ZNF713: variants seen among roughly 807,000 people sequenced by gnomAD.
The protein encoded by ZNF713 is zinc finger protein 713.
A neutral mutation model predicts 28.7 loss-of-function variants in ZNF713; 21 were observed. That is an observed-to-expected ratio of 0.73 (90% confidence interval 0.52 to 1.05). The LOEUF is 1.05. ZNF713 is among the 50% of genes least tolerant of loss of function. The probability of loss-of-function intolerance (pLI) is 0.00; values close to 1 mark genes in which losing one functional copy is unlikely to be tolerated. For missense variants in ZNF713, 458 were observed against 532.4 expected, an observed-to-expected ratio of 0.86 and a Z score of 1.37; for synonymous variants, 167 against 178.0, an observed-to-expected ratio of 0.94 and a Z score of 0.49.
intron 6 of ZNF713, among the ~76,000 whole-genome samples, chr7:55,934,639 G>A (rs1208017092): frequency 6.6e-6 from 1 of 152,032 alleles, no homozygotes; most frequent in African/African-American, 2.4e-5. Flanking sequence ...CTAATAGCTA[G>A]GATGGCAAGC....
At position 55,913,916 on chromosome 7, in the gene ZNF713, GC is replaced by G. The variant is rs1041956242; in HGVS notation, c.87+1194del. Among the ~76,000 whole-genome samples, 3 of 152,070 alleles carry G rather than the reference GC, an allele frequency of 2.0e-5. No individual in the cohort carries two copies. In the East Asian group the frequency reaches 5.8e-4, roughly 29 times the overall value. On this transcript the variant is annotated intron_variant, in intron 4 of 6. Coordinates refer to ENST00000429591, the MANE Select transcript of ZNF713 (RefSeq NM_182633.3). ...CACAAGGTCAGGAGTTCCAAGACCA[GC>G]TTGACTAATATGGTGAAACCCTGTC...
chr7:55,926,341 A>G (rs1246553719), intron 6 of ZNF713, among the ~76,000 whole-genome samples: 1 of 152,216 alleles, frequency 6.6e-6, no homozygotes, highest in African/African-American at 2.4e-5. Flanking sequence ...TCCAAATTTC[A>G]TTGTGCATCT....
At chr7:55,919,402 C>A (rs1486522269) in intron 4 of ZNF713, among the ~76,000 whole-genome samples, 2 of 150,108 alleles carry the variant, frequency 1.3e-5, no homozygotes, top group African/African-American at 4.9e-5. Context: ...TCACAGGGAA[C>A]CCAAAGGAGA....
intron 6 of ZNF713, among the ~76,000 whole-genome samples, chr7:55,927,915 A>AAAAAAAG (rs1562746758): frequency 1.1e-4 from 16 of 148,014 alleles, no homozygotes; most frequent in Non-Finnish European, 1.6e-4. Context: ...AAAAAAAAAA[A>AAAAAAAG]AAAAAGCCAC....
rs78526811 is a variant in ZNF713, at chr7:55,888,211, C to T, written c.-583+531C>T. On this transcript the variant is annotated intron_variant, in intron 1 of 6. Transcript: ENST00000429591. ...AGAATTTTTAAAATATTTTCTTTTT[C>T]TCCTTTTTATCTGTATTTCATTGAG... Among the ~76,000 whole-genome samples, 1,311 of 152,138 alleles carry T rather than the reference C, an allele frequency of 8.6e-3. 21 individuals are homozygous for T. The highest frequency in any genetic ancestry group is 0.03 in the African/African-American group (1,251 of 41,518).
At chr7:55,906,223 A>G (rs1362453905) in intron 1 of ZNF713, 30 bp from the exon 2 acceptor site, 1 of 152,068 alleles carries the variant, frequency 6.6e-6, no homozygotes, top group Non-Finnish European at 1.5e-5. Context: ...CTCCGCTTAG[A>G]TTAACTTTGC....
chr7:55,917,304 C>T (rs1785902387), intron 4 of ZNF713, among the ~76,000 whole-genome samples: 1 of 151,326 alleles, frequency 6.6e-6, no homozygotes. Context: ...AAAGACATGT[C>T]AAGTTGAAAA....
At chr7:55,908,405 T>G (rs1394250513) in intron 2 of ZNF713, among the ~76,000 whole-genome samples, 2 of 152,096 alleles carry the variant, frequency 1.3e-5, no homozygotes, top group African/African-American at 4.8e-5. Flanking sequence ...CCTCCCAAAG[T>G]GCTAGGATTA....
intron 6 of ZNF713, among the ~76,000 whole-genome samples, chr7:55,935,824 G>T (rs890033370): frequency 1.3e-5 from 2 of 151,778 alleles, no homozygotes; most frequent in East Asian, 3.9e-4. Flanking sequence ...GTGTGGTGGC[G>T]GGCACCTATA....
chr7:55,910,732 G>A (rs543717105), intron 2 of ZNF713, among the ~76,000 whole-genome samples: 5 of 152,170 alleles, frequency 3.3e-5, no homozygotes, highest in African/African-American at 9.7e-5. Flanking sequence ...CTGGCCTCAC[G>A]TGATCTGCCT....
chr7:55,939,601 A>G lies in ZNF713; in HGVS notation c.927A>G (p.Thr309=), dbSNP rs373984730. The G allele has an allele frequency of 1.1e-5, 17 of 1,614,082 alleles. No individual in the cohort carries two copies. The highest frequency in any genetic ancestry group is 2.7e-5 in the African/African-American group (2 of 74,946). The change falls in exon 7 of 7, where the codon ACA becomes ACG. Residue 309 remains threonine (T), a synonymous_variant. Transcript: ENST00000429591. ...TCATTCAACATCAGAGAATTCACAC[A>G]GGAGAAAAGCCTTTTATATGCAATG... ...IHLIQHQRIH[T]GEKPFICNGC...
chr7:55,941,059 A>T lies in ZNF713; in HGVS notation c.*1053A>T, dbSNP rs1278252437. 6.6e-6 allele frequency: 1 copy of T among 150,524 alleles called. No individual in the cohort carries two copies. The highest frequency in any genetic ancestry group is 1.5e-5 in the Non-Finnish European group (1 of 67,690). 9.3% of individuals were successfully genotyped at this position (150,524 alleles called of 1,614,324 possible). A position where few individuals can be genotyped will look rare whatever the true frequency, so the allele number is the denominator to read the frequency against. Reference sequence around the variant, plus strand: ...CTGGTCTCGAACTCCTGACCTTGTGATCTGCCCGCCTCGGCCTCCCAAAGT... The same window carrying T: ...CTGGTCTCGAACTCCTGACCTTGTGTTCTGCCCGCCTCGGCCTCCCAAAGT... On this transcript the variant is annotated 3_prime_UTR_variant, in exon 7 of 7. Coordinates refer to ENST00000429591, the MANE Select transcript of ZNF713 (RefSeq NM_182633.3).
intron 6 of ZNF713, among the ~76,000 whole-genome samples, chr7:55,927,774 G>A (rs1287673640): frequency 6.6e-6 from 1 of 151,324 alleles, no homozygotes; most frequent in African/African-American, 2.4e-5. Flanking sequence ...GCGTGCACCT[G>A]TAATCCCAGC....
At chr7:55,919,054 A>C (rs1413719261) in intron 4 of ZNF713, among the ~76,000 whole-genome samples, 3 of 152,184 alleles carry the variant, frequency 2.0e-5, no homozygotes, top group African/African-American at 4.8e-5. Flanking sequence ...ACGATCTACT[A>C]AAGAGATTCT....
chr7:55,919,490 G>GTTT lies in ZNF713; in HGVS notation c.88-3641_88-3639dup, dbSNP rs55656709. Among the ~76,000 whole-genome samples the GTTT allele has an allele frequency of 1.0e-3, 69 of 66,760 alleles. 3 individuals carry two copies. The highest frequency in any genetic ancestry group is 5.8e-3 in the South Asian group (11 of 1,912). The allele number at this position is 66,760 out of a possible 152,430, so 43.8% of individuals were successfully genotyped here. A position where few individuals can be genotyped will look rare whatever the true frequency, so the allele number is the denominator to read the frequency against. The stretch of plus-strand genomic sequence containing the variant: ...GCTGGATAAATTGGTAAACACTCCA[G>GTTT]TTTTTTTTTTTTTTTTTTTTTTTTT... On this transcript the variant is annotated intron_variant, in intron 4 of 6. Transcript: ENST00000429591.
chr7:55,887,717 G>T (rs1785277161), intron 1 of ZNF713, 37 bp downstream of exon 1: 1 of 11,438 alleles, frequency 8.7e-5, no homozygotes, highest in South Asian at 1.6e-3. Context: ...GGCGGGAGGC[G>T]GAGGCGGGGG....
At chr7:55,908,657 A>T (rs963030617) in intron 2 of ZNF713, among the ~76,000 whole-genome samples, 1 of 151,204 alleles carries the variant, frequency 6.6e-6, no homozygotes, top group Admixed American at 6.6e-5. Flanking sequence ...TGTCAGATGC[A>T]TGGTTTGCAA....
At chr7:55,935,574 G>A (rs1489155360) in intron 6 of ZNF713, among the ~76,000 whole-genome samples, 1 of 152,128 alleles carries the variant, frequency 6.6e-6, no homozygotes, top group Non-Finnish European at 1.5e-5. Context: ...ATCAAAGTAG[G>A]TGTAGGAACC....
At chr7:55,934,277 C>T (rs530607922) in intron 6 of ZNF713, among the ~76,000 whole-genome samples, 14 of 152,088 alleles carry the variant, frequency 9.2e-5, no homozygotes, top group African/African-American at 3.1e-4. Flanking sequence ...CACAAAACTT[C>T]GTGTTCAATT....
Sources: gnomAD v4.1 joint callset for allele counts (sites outside exome capture counted in the v4.1 genomes callset) on GRCh38, gnomAD v4.1.1 for gene constraint, MANE v1.5 for transcripts, NCBI Gene and HGNC (gene_info 2026-07-23, HGNC 2026-07-21) for gene names.